Variants in CPQ observed in about 807,000 individuals in gnomAD.
The protein encoded by CPQ is Ser-Met dipeptidase.
In CPQ, 37 loss-of-function variants were observed where a neutral mutation model predicts 45.7. The ratio of observed to expected loss-of-function variants is 0.81; its 90% confidence interval spans 0.62 to 1.07. CPQ has a LOEUF of 1.07. Ranked by LOEUF, CPQ falls within the 50% of genes least tolerant of loss-of-function variation. CPQ has a pLI of 0.00. For synonymous variants in CPQ, 186 were observed against 205.8 expected, an observed-to-expected ratio of 0.90 and a Z score of 0.82; for missense variants, 537 against 572.9, an observed-to-expected ratio of 0.94 and a Z score of 0.64.
chr8:97,087,346 C>G (rs1811057142), intron 7 of CPQ, among the ~76,000 whole-genome samples: 1 of 152,138 alleles, frequency 6.6e-6, no homozygotes, highest in Non-Finnish European at 1.5e-5. Flanking sequence ...TCAATACAGC[C>G]TGTGGCTCCC....
At chr8:96,787,102 A>G (rs994834972) in intron 2 of CPQ, among the ~76,000 whole-genome samples, 3 of 152,140 alleles carry the variant, frequency 2.0e-5, no homozygotes, top group Non-Finnish European at 2.9e-5. Context: ...TGCCTACACC[A>G]TGGTCACAAA....
intron 5 of CPQ, among the ~76,000 whole-genome samples, chr8:96,971,901 A>C (rs1303832778): frequency 6.6e-6 from 1 of 152,216 alleles, no homozygotes; most frequent in Non-Finnish European, 1.5e-5. Context: ...ACTAGTTTGC[A>C]GCTCCCATTC....
At chr8:97,018,468 A>G (rs1236062733) in intron 5 of CPQ, among the ~76,000 whole-genome samples, 1 of 152,222 alleles carries the variant, frequency 6.6e-6, no homozygotes, top group Non-Finnish European at 1.5e-5. Flanking sequence ...AACAAAGCCC[A>G]GTGTAAGGAA....
intron 4 of CPQ, among the ~76,000 whole-genome samples, chr8:96,910,784 G>A (rs1009059963): frequency 6.6e-5 from 10 of 152,154 alleles, no homozygotes; most frequent in African/African-American, 2.4e-4. Context: ...GATTACAGGC[G>A]TGAGCCACCG....
At chr8:97,084,260 G>A (rs951594350) in intron 7 of CPQ, among the ~76,000 whole-genome samples, 2 of 152,124 alleles carry the variant, frequency 1.3e-5, no homozygotes, top group Admixed American at 1.3e-4. Context: ...TTTTCAACAT[G>A]TAGTCTTGGA....
chr8:96,787,439 TG>T (rs1029848768), intron 2 of CPQ, among the ~76,000 whole-genome samples: 2 of 151,706 alleles, frequency 1.3e-5, no homozygotes, highest in African/African-American at 4.8e-5. Context: ...TATATGGTGC[TG>T]AATTCAGTTT....
intron 1 of CPQ, among the ~76,000 whole-genome samples, chr8:96,696,930 C>T (rs993995681): frequency 6.6e-6 from 1 of 152,052 alleles, no homozygotes; most frequent in African/African-American, 2.4e-5. Context: ...TGAATTCTAA[C>T]AAATGTTTAA....
intron 1 of CPQ, among the ~76,000 whole-genome samples, chr8:96,693,920 T>C (rs1390460802): frequency 6.6e-6 from 1 of 152,156 alleles, no homozygotes; most frequent in African/African-American, 2.4e-5. Flanking sequence ...CTTCAAGATG[T>C]AGGCAATACA....
chr8:96,711,620 C>T (rs1809608980), intron 1 of CPQ, among the ~76,000 whole-genome samples: 1 of 152,140 alleles, frequency 6.6e-6, no homozygotes, highest in Non-Finnish European at 1.5e-5. Context: ...TAGGGAAAAA[C>T]ACCTTATAAA....
intron 7 of CPQ, among the ~76,000 whole-genome samples, chr8:97,131,618 C>G (rs1188957759): frequency 1.3e-5 from 2 of 152,140 alleles, no homozygotes; most frequent in Admixed American, 6.6e-5. Context: ...ACAGTGGCCC[C>G]CAGAGGCATT....
chr8:96,821,822 C>T (rs1441574481), intron 2 of CPQ, among the ~76,000 whole-genome samples: 1 of 151,806 alleles, frequency 6.6e-6, no homozygotes, highest in Non-Finnish European at 1.5e-5. Context: ...ATGATTTGTA[C>T]TGTACAAGTG....
chr8:97,098,110 TAGTA>T (rs574506771), intron 7 of CPQ, among the ~76,000 whole-genome samples: 19 of 152,200 alleles, frequency 1.2e-4, no homozygotes, highest in Admixed American at 5.2e-4. Flanking sequence ...GAGGGCCTCC[TAGTA>T]GATTGATGGA....
intron 1 of CPQ, among the ~76,000 whole-genome samples, chr8:96,665,242 G>A (rs1247972810): frequency 6.6e-6 from 1 of 152,134 alleles, no homozygotes. Flanking sequence ...ACAGAGCAAG[G>A]GAGTGATTTG....
At chr8:96,705,803 A>G (rs1032883141) in intron 1 of CPQ, among the ~76,000 whole-genome samples, 1 of 151,996 alleles carries the variant, frequency 6.6e-6, no homozygotes, top group Non-Finnish European at 1.5e-5. Context: ...TATAGGCATT[A>G]TTTTACTCAG....
chr8:96,891,906 A>G (rs962154928), intron 4 of CPQ, among the ~76,000 whole-genome samples: 3 of 152,140 alleles, frequency 2.0e-5, no homozygotes, highest in Non-Finnish European at 4.4e-5. Flanking sequence ...GGAGAGATTC[A>G]GTTTATTCCT....
intron 1 of CPQ, among the ~76,000 whole-genome samples, chr8:96,679,667 T>C (rs1809124145): frequency 1.3e-5 from 2 of 152,092 alleles, no homozygotes; most frequent in East Asian, 3.8e-4. Flanking sequence ...CCAGGAGTTA[T>C]CCATTTTCTC....
intron 4 of CPQ, among the ~76,000 whole-genome samples, chr8:96,908,842 T>C (rs751073631): frequency 5.9e-5 from 9 of 151,990 alleles, no homozygotes; most frequent in Non-Finnish European, 1.2e-4. Flanking sequence ...GACCCTTATA[T>C]TCTCTAAGAG....
chr8:96,666,516 T>C (rs1808927254), intron 1 of CPQ, among the ~76,000 whole-genome samples: 1 of 152,198 alleles, frequency 6.6e-6, no homozygotes, highest in Non-Finnish European at 1.5e-5. Context: ...GGTATTGTGA[T>C]TGACAGTCAA....
At chr8:97,038,968 A>G (rs1314182068) in intron 6 of CPQ, among the ~76,000 whole-genome samples, 1 of 152,158 alleles carries the variant, frequency 6.6e-6, no homozygotes, top group Non-Finnish European at 1.5e-5. Flanking sequence ...TTAGTGAAAG[A>G]GATTTGTAGC....
Sources: gnomAD v4.1 joint callset for allele counts (sites outside exome capture counted in the v4.1 genomes callset) on GRCh38, gnomAD v4.1.1 for gene constraint, MANE v1.5 for transcripts, NCBI Gene and HGNC (gene_info 2026-07-23, HGNC 2026-07-21) for gene names.